The following DLG2 variants were observed in gnomAD, a reference collection of about 807,000 sequenced individuals.
The protein encoded by DLG2 is discs large MAGUK scaffold protein 2, also known as disks large homolog 2.
Under a neutral mutation model 132.5 loss-of-function variants are expected in DLG2, and 45 were observed. The ratio of observed to expected loss-of-function variants is 0.34; its 90% confidence interval spans 0.27 to 0.44. DLG2 has a LOEUF of 0.44. Among genes scored for constraint, DLG2 ranks in the 20% least tolerant of loss-of-function variants. DLG2 has a pLI of 1.00. For synonymous variants in DLG2, 424 were observed against 419.6 expected (o/e 1.01, Z -0.13); for missense variants, 1,045 against 1,196.9 (o/e 0.87, Z 1.87).
rs141525110 is a variant in DLG2, at chr11:84,925,577, T to C, written c.357+186084A>G. On this transcript the variant is annotated intron_variant, in intron 6 of 27. Transcript: ENST00000376104. ...ACAATGGCAATGTCCCACTAAAGAA[T>C]ATTCCATATTTTAAGGCAAGGAATT... Among the ~76,000 whole-genome samples the C allele has an allele frequency of 1.8e-3, 272 of 152,262 alleles. 1 individual carries two copies. The highest frequency in any genetic ancestry group is 6.3e-3 in the African/African-American group (260 of 41,550).
intron 19 of DLG2, among the ~76,000 whole-genome samples, chr11:83,552,476 C>G (rs1014981608): frequency 2.0e-5 from 3 of 152,030 alleles, no homozygotes; most frequent in Non-Finnish European, 4.4e-5. Flanking sequence ...GATTGTAGAG[C>G]TCCTAGGAAG....
intron 7 of DLG2, among the ~76,000 whole-genome samples, chr11:84,360,068 T>C (rs576969093): frequency 5.3e-5 from 8 of 151,960 alleles, no homozygotes; most frequent in African/African-American, 1.7e-4. Flanking sequence ...CCCAAAACTA[T>C]TAATGGGATG....
chr11:85,524,244 A>T (rs1437418862), intron 3 of DLG2, among the ~76,000 whole-genome samples: 1 of 152,190 alleles, frequency 6.6e-6, no homozygotes, highest in Non-Finnish European at 1.5e-5. Flanking sequence ...AAAAGAGTAT[A>T]ACTGGATTAT....
intron 18 of DLG2, among the ~76,000 whole-genome samples, chr11:83,673,792 A>G (rs1271152733): frequency 6.6e-6 from 1 of 152,252 alleles, no homozygotes; most frequent in East Asian, 1.9e-4. Flanking sequence ...TAAATGAGAT[A>G]ACATGTATTC....
chr11:84,705,154 T>C (rs2059653699), intron 6 of DLG2, among the ~76,000 whole-genome samples: 1 of 151,586 alleles, frequency 6.6e-6, no homozygotes, highest in Non-Finnish European at 1.5e-5. Context: ...ACATGGAAAA[T>C]AAATGACTTA....
intron 14 of DLG2, among the ~76,000 whole-genome samples, chr11:83,956,060 AT>A (rs1309012042): frequency 2.6e-5 from 4 of 151,898 alleles, no homozygotes; most frequent in African/African-American, 9.7e-5. Context: ...CCATCCTATT[AT>A]TTCTATTCCT....
chr11:84,343,932 T>G (rs980121690), intron 7 of DLG2, among the ~76,000 whole-genome samples: 6 of 152,190 alleles, frequency 3.9e-5, no homozygotes, highest in Admixed American at 2.0e-4. Flanking sequence ...ATCAGCATAA[T>G]TATTCTTCCT....
Position 84,625,009 on chromosome 11 carries a change from C to T in DLG2, c.358-90278G>A, listed in dbSNP as rs572618303. On this transcript the variant is annotated intron_variant, in intron 6 of 27. Transcript: ENST00000376104. ...CCAAGTAGCTGGGACTACAGGCGCC[C>T]GCCACTACGCCCGGCTAATTTTTTG... Among the ~76,000 whole-genome samples the T allele has an allele frequency of 1.1e-4, 17 of 149,846 alleles. 1 individual carries two copies. The South Asian group carries it at 3.2e-3, about 28-fold the overall frequency.
chr11:85,493,990 C>T (rs1277106810), intron 3 of DLG2, among the ~76,000 whole-genome samples: 2 of 152,134 alleles, frequency 1.3e-5, no homozygotes, highest in South Asian at 2.1e-4. Context: ...CTTGTTGCTG[C>T]ATCCTCTGGA....
chr11:85,189,470 T>C (rs925278705), intron 4 of DLG2, among the ~76,000 whole-genome samples: 1 of 152,184 alleles, frequency 6.6e-6, no homozygotes, highest in African/African-American at 2.4e-5. Context: ...AATGGCATTA[T>C]GCTGAGTGAA....
chr11:83,665,612 T>C (rs1170153352), intron 18 of DLG2, among the ~76,000 whole-genome samples: 1 of 152,220 alleles, frequency 6.6e-6, no homozygotes, highest in Non-Finnish European at 1.5e-5. Context: ...TTCAAGACTA[T>C]AGAGCTTACC....
intron 3 of DLG2, among the ~76,000 whole-genome samples, chr11:85,497,069 G>T (rs1360404861): frequency 6.6e-6 from 1 of 151,996 alleles, no homozygotes. Flanking sequence ...AAATGAGATG[G>T]AGAATGAGTT....
intron 3 of DLG2, among the ~76,000 whole-genome samples, chr11:85,317,725 T>C (rs906372481): frequency 1.3e-5 from 2 of 151,666 alleles, no homozygotes; most frequent in African/African-American, 2.4e-5. Context: ...CATGAACACA[T>C]AGAAGGGAGC....
chr11:83,850,161 T>TGTGTGTGTGTGTGTGTGTG (rs58290466), intron 16 of DLG2, among the ~76,000 whole-genome samples: 53 of 126,850 alleles, frequency 4.2e-4, no homozygotes, highest in East Asian at 1.2e-3. Context: ...TGTGTGTGTG[T>TGTGTGTGTGTGTGTGTGTG]TTTTTTACTT....
At chr11:84,308,777 C>T (rs1238172957) in intron 7 of DLG2, among the ~76,000 whole-genome samples, 1 of 152,186 alleles carries the variant, frequency 6.6e-6, no homozygotes, top group Non-Finnish European at 1.5e-5. Context: ...GCCACTGGCC[C>T]GGGTGCTAAG....
intron 18 of DLG2, among the ~76,000 whole-genome samples, chr11:83,755,748 G>C (rs2093617846): frequency 6.6e-6 from 1 of 151,340 alleles, no homozygotes; most frequent in South Asian, 2.1e-4. Flanking sequence ...CTAGGAGAAA[G>C]GGGAAAGAGG....
chr11:84,423,681 A>T (rs2098957795), intron 7 of DLG2, among the ~76,000 whole-genome samples: 1 of 152,142 alleles, frequency 6.6e-6, no homozygotes, highest in African/African-American at 2.4e-5. Context: ...GAATTCATTT[A>T]TAGATTGTTT....
chr11:83,755,991 T>C lies in DLG2; in HGVS notation c.1825+30699A>G, dbSNP rs71465558. 4.3e-3 allele frequency among the ~76,000 whole-genome samples: 650 copies of C among 151,460 alleles called. 7 individuals are homozygous for C. The highest frequency in any genetic ancestry group is 0.035 in the South Asian group (168 of 4,830). On this transcript the variant is annotated intron_variant, in intron 18 of 27. Coordinates refer to ENST00000376104, the MANE Select transcript of DLG2 (RefSeq NM_001142699.3). ...GAAAATGTCAAGGTCCTACTGCATA[T>C]ACTTTTTGCTTCAGCAAAAGATTAA...
At chr11:84,682,504 G>A (rs1207463665) in intron 6 of DLG2, among the ~76,000 whole-genome samples, 1 of 152,168 alleles carries the variant, frequency 6.6e-6, no homozygotes, top group African/African-American at 2.4e-5. Context: ...TGGAGAGTGG[G>A]GAGCCTGGTG....
Sources: allele counts gnomAD v4.1 joint callset (sites outside exome capture counted in the v4.1 genomes callset), GRCh38; gene constraint gnomAD v4.1.1; transcripts MANE v1.5; gene names NCBI Gene and HGNC (gene_info 2026-07-23, HGNC 2026-07-21).